NRXN3: variants seen among roughly 807,000 people sequenced by gnomAD.
The protein encoded by NRXN3 is neurexin 3, also known as neurexin III.
A neutral mutation model predicts 137.6 loss-of-function variants in NRXN3; 32 were observed. The ratio of observed to expected loss-of-function variants is 0.23; its 90% CI spans 0.18 to 0.31. The LOEUF (loss-of-function observed/expected upper bound fraction) is 0.31, where lower values mean the gene tolerates loss of function less well. NRXN3 is among the 10% of genes least tolerant of loss of function. NRXN3 has a pLI of 1.00. For missense variants in NRXN3, 1,574 were observed against 2,062.5 expected, an observed-to-expected ratio of 0.76 and a Z score of 4.59; for synonymous variants, 798 against 784.5, an observed-to-expected ratio of 1.02 and a Z score of -0.29.
Position 78,229,514 on chromosome 14 carries a change from T to C in NRXN3, c.-703-12877T>C, listed in dbSNP as rs1017155915. ...TCCTCTCCAGATCTGGTATTCCTCA[T>C]CTTCCAGGAGGGGCATCTGTGATCT... On this transcript the variant is annotated intron_variant, in intron 1 of 20. Coordinates refer to ENST00000335750, the MANE Select transcript of NRXN3 (RefSeq NM_001330195.2). Among the ~76,000 whole-genome samples the C allele has an allele frequency of 2.0e-5, 3 of 152,138 alleles. No homozygotes were observed. In the East Asian group the frequency reaches 5.8e-4, roughly 29 times the overall value.
chr14:78,721,325 A>G (rs1446779126), intron 8 of NRXN3, among the ~76,000 whole-genome samples: 4 of 152,192 alleles, frequency 2.6e-5, no homozygotes, highest in African/African-American at 7.2e-5. Context: ...AGGTTTCCAG[A>G]TCCTTTATTT....
intron 4 of NRXN3, among the ~76,000 whole-genome samples, chr14:78,557,040 T>C (rs2096745376): frequency 7.7e-6 from 1 of 130,698 alleles, no homozygotes; most frequent in African/African-American, 2.9e-5. Flanking sequence ...TTCCCTCTCC[T>C]CCCCTCTCCG....
intron 4 of NRXN3, among the ~76,000 whole-genome samples, chr14:78,532,233 A>G (rs1051121491): frequency 2.0e-5 from 3 of 151,848 alleles, no homozygotes; most frequent in Admixed American, 6.6e-5. Context: ...AGGCAGGAGA[A>G]TCACTTGAAC....
chr14:78,222,450 T>C (rs1045846668), intron 1 of NRXN3, among the ~76,000 whole-genome samples: 1 of 152,224 alleles, frequency 6.6e-6, no homozygotes, highest in African/African-American at 2.4e-5. Flanking sequence ...CACATCGCCT[T>C]GAATGAGGCT....
chr14:78,904,812 C>T (rs1031017886), intron 10 of NRXN3, among the ~76,000 whole-genome samples: 2 of 151,618 alleles, frequency 1.3e-5, no homozygotes, highest in African/African-American at 2.4e-5. Context: ...ACTTCCTCGT[C>T]TCCAATCAGT....
At chr14:78,464,291 G>A (rs777746042) in intron 4 of NRXN3, among the ~76,000 whole-genome samples, 40 of 152,122 alleles carry the variant, frequency 2.6e-4, no homozygotes, top group Non-Finnish European at 2.4e-4. Context: ...CTTGACCTCA[G>A]GTGATCCGCC....
chr14:79,684,671 G>A (rs186313174), intron 17 of NRXN3, among the ~76,000 whole-genome samples: 8 of 152,232 alleles, frequency 5.3e-5, no homozygotes, highest in Non-Finnish European at 5.9e-5. Flanking sequence ...TGTCCTCTGA[G>A]CTGTGTGGGG....
At chr14:79,596,040 G>A (rs982332422) in intron 16 of NRXN3, among the ~76,000 whole-genome samples, 3 of 151,472 alleles carry the variant, frequency 2.0e-5, no homozygotes, top group African/African-American at 7.3e-5. Context: ...GACAAATCTT[G>A]GGATGGGTTT....
chr14:79,209,399 A>G (rs970401963), intron 15 of NRXN3, among the ~76,000 whole-genome samples: 3 of 152,106 alleles, frequency 2.0e-5, no homozygotes, highest in East Asian at 3.8e-4. Flanking sequence ...ATGCACTGCT[A>G]TGTAATTACT....
At chr14:79,313,793 CT>C (rs2087616519) in intron 15 of NRXN3, among the ~76,000 whole-genome samples, 1 of 86,680 alleles carries the variant, frequency 1.2e-5, no homozygotes, top group Non-Finnish European at 2.2e-5. Context: ...CCATCAGCTC[CT>C]TTAAGCACTT....
chr14:78,214,843 T>C (rs1194780858), intron 1 of NRXN3, among the ~76,000 whole-genome samples: 1 of 152,112 alleles, frequency 6.6e-6, no homozygotes, highest in Non-Finnish European at 1.5e-5. Context: ...CTGACTCGAG[T>C]GCACTCTTTG....
At chr14:79,151,577 A>G (rs1828001608) in intron 15 of NRXN3, among the ~76,000 whole-genome samples, 2 of 152,056 alleles carry the variant, frequency 1.3e-5, no homozygotes, top group South Asian at 4.1e-4. Flanking sequence ...TTCATTGCTC[A>G]AGGAGCTGAG....
intron 15 of NRXN3, among the ~76,000 whole-genome samples, chr14:79,030,843 C>G (rs575880390): frequency 1.5e-4 from 23 of 151,978 alleles, no homozygotes; most frequent in Non-Finnish European, 3.1e-4. Flanking sequence ...TCCCCAGTCG[C>G]TATCATCCTT....
At chr14:79,284,570 T>C (rs111715524) in intron 15 of NRXN3, among the ~76,000 whole-genome samples, 1 of 151,632 alleles carries the variant, frequency 6.6e-6, no homozygotes, top group African/African-American at 2.4e-5. Flanking sequence ...GAAAGCTCAG[T>C]TTTAAAAGGG....
intron 4 of NRXN3, among the ~76,000 whole-genome samples, chr14:78,630,442 T>C (rs547781991): frequency 4.6e-5 from 7 of 152,314 alleles, no homozygotes; most frequent in Admixed American, 4.6e-4. Flanking sequence ...TTACAAGGGT[T>C]CCAGAGTGAT....
At chr14:79,006,330 AAAC>A (rs2099552749) in intron 15 of NRXN3, among the ~76,000 whole-genome samples, 1 of 133,150 alleles carries the variant, frequency 7.5e-6, no homozygotes, top group Non-Finnish European at 1.5e-5. Flanking sequence ...AAATGGCAAA[AAAC>A]AAACAAACAA....
chr14:79,340,966 G>C (rs1163399725), intron 15 of NRXN3, among the ~76,000 whole-genome samples: 2 of 152,108 alleles, frequency 1.3e-5, no homozygotes, highest in Admixed American at 1.3e-4. Context: ...GTAAAAATGA[G>C]GTATAATGGC....
intron 15 of NRXN3, among the ~76,000 whole-genome samples, chr14:79,009,360 T>G (rs1174912275): frequency 6.6e-6 from 1 of 152,204 alleles, no homozygotes; most frequent in Admixed American, 6.5e-5. Flanking sequence ...GATATTTTGC[T>G]TCTTGGTTAG....
At position 78,545,164 on chromosome 14, in the gene NRXN3, A is replaced by G. The variant is rs188601538; in HGVS notation, c.758-99956A>G. Among the ~76,000 whole-genome samples, 36 of 152,212 alleles carry G rather than the reference A, an allele frequency of 2.4e-4. No homozygotes were observed. In the East Asian group the frequency reaches 6.8e-3, roughly 29 times the overall value. ...AGAAGGAAGGTGGACAGTCTGGGAG[A>G]ACCAGAACTGACAGGAGCAATAGGG... On this transcript the variant is annotated intron_variant, in intron 4 of 20. Coordinates refer to ENST00000335750, the MANE Select transcript of NRXN3 (RefSeq NM_001330195.2).
Sources: gnomAD v4.1 joint callset for allele counts (sites outside exome capture counted in the v4.1 genomes callset) on GRCh38, gnomAD v4.1.1 for gene constraint, MANE v1.5 for transcripts, NCBI Gene and HGNC (gene_info 2026-07-23, HGNC 2026-07-21) for gene names.